NTRK2: variants seen among roughly 807,000 people sequenced by gnomAD.
NTRK2 encodes the protein BDNF/NT-3 growth factors receptor.
A neutral mutation model predicts 94.5 loss-of-function variants in NTRK2; 13 were observed. That is an observed-to-expected ratio of 0.14 (90% CI 0.09 to 0.22). The LOEUF is 0.22. NTRK2 is among the 10% of genes least tolerant of loss of function. The pLI, the probability that NTRK2 is intolerant of heterozygous loss-of-function variation, is 1.00. For synonymous variants in NTRK2, 372 were observed against 407.4 expected, an observed-to-expected ratio of 0.91 and a Z score of 1.05; for missense variants, 639 against 1,071.2, an observed-to-expected ratio of 0.60 and a Z score of 5.63.
At chr9:84,943,868 T>G (rs2078496947) in intron 15 of NTRK2, among the ~76,000 whole-genome samples, 1 of 152,174 alleles carries the variant, frequency 6.6e-6, no homozygotes, top group South Asian at 2.1e-4. Flanking sequence ...ATTCTGCCCT[T>G]ACAGTGCCAA....
At chr9:84,827,515 T>C (rs2073263623) in intron 12 of NTRK2, among the ~76,000 whole-genome samples, 1 of 152,228 alleles carries the variant, frequency 6.6e-6, no homozygotes, top group South Asian at 2.1e-4. Flanking sequence ...AGAGGTTATG[T>C]GAAATCTCCT....
chr9:84,741,209 G>A (rs573115797), intron 9 of NTRK2, among the ~76,000 whole-genome samples: 1 of 152,258 alleles, frequency 6.6e-6, no homozygotes, highest in South Asian at 2.1e-4. Context: ...GATCATCTTG[G>A]TGACTGCAGA....
At chr9:84,937,287 C>T (rs1003964831) in intron 15 of NTRK2, among the ~76,000 whole-genome samples, 1 of 152,176 alleles carries the variant, frequency 6.6e-6, no homozygotes, top group Non-Finnish European at 1.5e-5. Context: ...TGTTTGACAG[C>T]CTTTCTGCTG....
intron 14 of NTRK2, chr9:84,875,417 G>A (rs1346774342): frequency 1.9e-6 from 2 of 1,062,148 alleles, no homozygotes; most frequent in Non-Finnish European, 1.1e-6. Context: ...GGAAATGAGA[G>A]GCTCTCTTGT....
At chr9:84,870,331 G>GTGTGTGTGTATATATATATA (rs1349303529) in intron 14 of NTRK2, among the ~76,000 whole-genome samples, 36 of 31,178 alleles carry the variant, frequency 1.2e-3, no homozygotes, top group Non-Finnish European at 1.3e-3. Flanking sequence ...GTGTGTGTGT[G>GTGTGTGTGTATATATATATA]TATATATATA....
chr9:84,713,253 T>A (rs1006723484), intron 6 of NTRK2, among the ~76,000 whole-genome samples: 4 of 152,208 alleles, frequency 2.6e-5, no homozygotes, highest in Non-Finnish European at 5.9e-5. Context: ...TTCTGTTTCT[T>A]TACTTTCATT....
chr9:84,736,363 C>T lies in NTRK2; in HGVS notation c.1160-5529C>T, dbSNP rs372698492. ...GAGCTTTTCCCACAGCTTCTCCTTC[C>T]GTGCTGTTTTATCGAAAGATTCATG... On this transcript the variant is annotated intron_variant, in intron 9 of 18. Coordinates refer to ENST00000277120, the MANE Select transcript of NTRK2 (RefSeq NM_006180.6). Among the ~76,000 whole-genome samples the T allele has an allele frequency of 2.5e-4, 38 of 152,298 alleles. 1 individual carries two copies. Among genetic ancestry groups the T allele is most frequent in the African/African-American group, 8.4e-4 (35 of 41,564 alleles).
chr9:84,882,249 A>G (rs1183393888), intron 14 of NTRK2, among the ~76,000 whole-genome samples: 1 of 152,126 alleles, frequency 6.6e-6, no homozygotes, highest in African/African-American at 2.4e-5. Flanking sequence ...TTACGTTGGA[A>G]ATGCAGCCAG....
chr9:84,977,854 ACT>A (rs1393149309), intron 17 of NTRK2, among the ~76,000 whole-genome samples: 3 of 152,174 alleles, frequency 2.0e-5, no homozygotes, highest in Non-Finnish European at 4.4e-5. Context: ...CATTTTGGTA[ACT>A]CATGCAAAAT....
intron 14 of NTRK2, among the ~76,000 whole-genome samples, chr9:84,924,991 T>A (rs2077705578): frequency 6.6e-6 from 1 of 152,128 alleles, no homozygotes; most frequent in Non-Finnish European, 1.5e-5. Context: ...ATGGCTCGCG[T>A]GTCTAGGCCC....
At chr9:84,754,494 T>C (rs78687371) in intron 12 of NTRK2, among the ~76,000 whole-genome samples, 2,013 of 152,300 alleles carry the variant, frequency 0.013, 48 homozygotes, top group African/African-American at 0.046. Context: ...TAAAACGTGG[T>C]ATTTAAACAT....
chr9:85,026,080 T>C lies in NTRK2; in HGVS notation c.*4643T>C, dbSNP rs1833018023. On this transcript the variant is annotated 3_prime_UTR_variant, in exon 19 of 19. Coordinates refer to ENST00000277120, the MANE Select transcript of NTRK2 (RefSeq NM_006180.6). ...TTTATTTATTTAATTATGTATTTAT[T>C]TATTTATTTATATACTTTTGCTCCA... 4.5e-6 allele frequency: 1 copy of C among 221,586 alleles called. No individual in the cohort carries two copies. The highest frequency in any genetic ancestry group is 9.0e-6 in the Non-Finnish European group (1 of 111,234). The allele number at this position is 221,586 out of a possible 1,614,324, so 13.7% of individuals were successfully genotyped here.
intron 12 of NTRK2, among the ~76,000 whole-genome samples, chr9:84,794,167 C>G: frequency 6.6e-6 from 1 of 152,148 alleles, no homozygotes; most frequent in East Asian, 1.9e-4. Context: ...TAGCCTTCAC[C>G]TACAGCATTT....
At chr9:84,998,280 T>A (rs909120899) in intron 17 of NTRK2, among the ~76,000 whole-genome samples, 2 of 152,214 alleles carry the variant, frequency 1.3e-5, no homozygotes, top group Non-Finnish European at 2.9e-5. Flanking sequence ...CTTGCCCCAC[T>A]TCAAGGGGCA....
In NTRK2 at chr9:84,866,391, T is replaced by C. The variant is rs542848694; in HGVS notation, c.1445-852T>C. 2.0e-5 allele frequency among the ~76,000 whole-genome samples: 3 copies of C among 152,268 alleles called. No homozygotes were observed. The East Asian group carries it at 5.8e-4, about 29-fold the overall frequency. On this transcript the variant is annotated intron_variant, in intron 13 of 18. Coordinates refer to ENST00000277120, the MANE Select transcript of NTRK2 (RefSeq NM_006180.6). Reference sequence around the variant, plus strand: ...AAGCAAATATTATTTTGCATATAAGTCGATGTAGAGGTCCAAAGAAAGTAA... The same window carrying C: ...AAGCAAATATTATTTTGCATATAAGCCGATGTAGAGGTCCAAAGAAAGTAA...
At chr9:84,699,357 C>T (rs1430362237) in intron 2 of NTRK2, among the ~76,000 whole-genome samples, 1 of 152,136 alleles carries the variant, frequency 6.6e-6, no homozygotes, top group South Asian at 2.1e-4. Context: ...TGTAATCCAG[C>T]TCTTCTGTTG....
intron 2 of NTRK2, among the ~76,000 whole-genome samples, chr9:84,681,959 A>G (rs2059417449): frequency 6.6e-6 from 1 of 152,222 alleles, no homozygotes; most frequent in Admixed American, 6.5e-5. Flanking sequence ...AAAAGAACAA[A>G]TTATAACTGG....
chr9:85,006,980 G>T (rs1588170123), intron 17 of NTRK2, among the ~76,000 whole-genome samples: 2 of 152,202 alleles, frequency 1.3e-5, no homozygotes, highest in South Asian at 2.1e-4. Flanking sequence ...ATACAGTATT[G>T]CCCACCTCTG....
chr9:84,748,934 G>A (rs945175154), intron 11 of NTRK2, among the ~76,000 whole-genome samples: 1 of 152,106 alleles, frequency 6.6e-6, no homozygotes, highest in Non-Finnish European at 1.5e-5. Flanking sequence ...CTGCAGAGAC[G>A]GAGTTAGATC....
Sources: allele counts gnomAD v4.1 joint callset (sites outside exome capture counted in the v4.1 genomes callset), GRCh38; gene constraint gnomAD v4.1.1; transcripts MANE v1.5; gene names NCBI Gene and HGNC (gene_info 2026-07-23, HGNC 2026-07-21).